CXXC5: variants seen among roughly 807,000 people sequenced by gnomAD.
CXXC5 encodes the protein CXXC finger protein 5.
A neutral mutation model predicts 17.6 loss-of-function variants in CXXC5; 2 were observed. That is an observed-to-expected ratio of 0.11 (90% CI 0.05 to 0.36). The LOEUF (loss-of-function observed/expected upper bound fraction) is 0.36, where lower values mean the gene tolerates loss of function less well. Among genes scored for constraint, CXXC5 ranks in the 10% least tolerant of loss-of-function variants. The pLI, the probability that CXXC5 is intolerant of heterozygous loss-of-function variation, is 1.00. For synonymous variants in CXXC5, 171 were observed against 193.0 expected (o/e 0.89, Z 0.94); for missense variants, 343 against 458.3 (o/e 0.75, Z 2.30).
chr5:139,655,595 G>A lies in CXXC5; in HGVS notation c.-161+6750G>A, dbSNP rs566030877. Among the ~76,000 whole-genome samples the A allele has an allele frequency of 5.9e-5, 9 of 151,686 alleles. No homozygotes were observed. The South Asian group carries it at 6.3e-4, about 11-fold the overall frequency. On this transcript the variant is annotated intron_variant, in intron 1 of 2. Transcript: ENST00000302517. ...TCCTTGTGACACCCTTCATCTCTTC[G>A]GGATTCTCTCCCCTTCGCTGACATC... is the stretch of plus-strand genomic sequence containing the variant.
At position 139,668,510 on chromosome 5, in the gene CXXC5, C is replaced by T. The variant is rs1225684341; in HGVS notation, c.-160-11854C>T. ...CCAGGCCCGCTGCCCGCTCCAGGCCCGAGGTGATGGCGGCTGTTCCTGCCG... is the reference window on the plus strand; with the variant it reads ...CCAGGCCCGCTGCCCGCTCCAGGCCTGAGGTGATGGCGGCTGTTCCTGCCG... On this transcript the variant is annotated intron_variant, in intron 1 of 2. Transcript: ENST00000302517. The surrounding 1 kb of genome is among the most constrained non-coding windows in gnomAD (Gnocchi z 4.1). Among the ~76,000 whole-genome samples, 1 of 152,128 alleles carries T rather than the reference C, an allele frequency of 6.6e-6. No individual in the cohort carries two copies. Among genetic ancestry groups the T allele is most frequent in the African/African-American group, 2.4e-5 (1 of 41,448 alleles).
Position 139,683,185 on chromosome 5 carries a change from CCTGGGCAAAGA to C in CXXC5, c.*279_*289del. The C allele has an allele frequency of 3.2e-6, 1 of 313,816 alleles. No homozygotes were observed. Among genetic ancestry groups the C allele is most frequent in the East Asian group, 5.3e-5 (1 of 19,040 alleles). The allele number at this position is 313,816 out of a possible 1,614,324, so 19.4% of individuals were successfully genotyped here. ...ACGAATCTATAAAGTACCGAGACTTCCTGGGCAAAGAATGGACAATCAGTTTCCTTCCTGTG... is the reference window on the plus strand; with the variant it reads ...ACGAATCTATAAAGTACCGAGACTTCATGGACAATCAGTTTCCTTCCTGTG... On this transcript the variant is annotated 3_prime_UTR_variant, in exon 3 of 3. Coordinates refer to ENST00000302517, the MANE Select transcript of CXXC5 (RefSeq NM_016463.9).
Position 139,665,690 on chromosome 5 carries a change from G to A in CXXC5, c.-160-14674G>A, listed in dbSNP as rs1003141838. ...TAATTGGTGGTTCCGGAGGTGGCGGGCTCCACGCCCGGCCAGTCTTGCTGA... is the reference window on the plus strand; with the variant it reads ...TAATTGGTGGTTCCGGAGGTGGCGGACTCCACGCCCGGCCAGTCTTGCTGA... On this transcript the variant is annotated intron_variant, in intron 1 of 2. Coordinates refer to ENST00000302517, the MANE Select transcript of CXXC5 (RefSeq NM_016463.9). 3.3e-4 allele frequency: 50 copies of A among 152,268 alleles called. 3 individuals carry two copies. The highest frequency in any genetic ancestry group is 8.8e-5 in the Non-Finnish European group (6 of 68,054). 9.4% of individuals were successfully genotyped at this position (152,268 alleles called of 1,614,324 possible).
chr5:139,680,829 T>C lies in CXXC5; in HGVS notation c.306T>C (p.Ala102=), dbSNP rs1196398730. Residue 102 remains alanine, a synonymous_variant, in exon 2 of 3, where the codon GCT becomes GCC. Coordinates refer to ENST00000302517, the MANE Select transcript of CXXC5 (RefSeq NM_016463.9). ...GGGSMMGGES[A]DKATAAAAAA... is the part of the protein sequence containing the mutation. Reference sequence around the variant, plus strand: ...GCAGCATGATGGGCGGAGAGTCTGCTGACAAGGCCACTGCGGCTGCAGCCG... The same window carrying C: ...GCAGCATGATGGGCGGAGAGTCTGCCGACAAGGCCACTGCGGCTGCAGCCG... 6.2e-7 allele frequency: 1 copy of C among 1,612,146 alleles called. No individual in the cohort carries two copies. The highest frequency in any genetic ancestry group is 2.2e-5 in the East Asian group (1 of 44,892).
chr5:139,648,580 C>T lies in CXXC5; in HGVS notation c.-426C>T, dbSNP rs189532441. ...CTCCGCCCGCGAGCCGCGCTCAGCT[C>T]GGGGGTGATTAGTTGCTTTTTGTTG... On this transcript the variant is annotated 5_prime_UTR_variant, in exon 1 of 3. Coordinates refer to ENST00000302517, the MANE Select transcript of CXXC5 (RefSeq NM_016463.9). The T allele has an allele frequency of 1.7e-3, 252 of 151,618 alleles. No homozygotes were observed. The highest frequency in any genetic ancestry group is 2.9e-3 in the Non-Finnish European group (199 of 67,888). The allele number at this position is 151,618 out of a possible 1,614,324, so 9.4% of individuals were successfully genotyped here. A position where few individuals can be genotyped will look rare whatever the true frequency, so the allele number is the denominator to read the frequency against.
rs528300181 is a variant in CXXC5 at position 139,665,068 on chromosome 5, A to G, written c.-160-15296A>G. 3.9e-5 allele frequency among the ~76,000 whole-genome samples: 6 copies of G among 152,288 alleles called. No homozygotes were observed. The East Asian group carries it at 9.7e-4, about 24-fold the overall frequency. Reference sequence around the variant, plus strand: ...GGATTCTGGGAAGGAGATGGTGCCAATCTGCTGGCTCAGCCAGCTTGGCCA... The same window carrying G: ...GGATTCTGGGAAGGAGATGGTGCCAGTCTGCTGGCTCAGCCAGCTTGGCCA... On this transcript the variant is annotated intron_variant, in intron 1 of 2. Coordinates refer to ENST00000302517, the MANE Select transcript of CXXC5 (RefSeq NM_016463.9).
Position 139,681,007 on chromosome 5 carries a change from C to G in CXXC5, c.484C>G (p.Leu162Val). The G allele has an allele frequency of 6.2e-7, 1 of 1,605,750 alleles. No homozygotes were observed. Among genetic ancestry groups the G allele is most frequent in the Non-Finnish European group, 8.5e-7 (1 of 1,179,956 alleles). ...GCTGGCAGCCGAGGGACAGCTGACGCTGCAGCAGTTTGCGCAGTCCACAGA... is the reference window on the plus strand; with the variant it reads ...GCTGGCAGCCGAGGGACAGCTGACGGTGCAGCAGTTTGCGCAGTCCACAGA... ...TELAAEGQLT[L>V]QQFAQSTEML... Residue 162 changes from leucine to valine, a missense_variant, in exon 2 of 3, where the codon CTG becomes GTG. Coordinates refer to ENST00000302517, the MANE Select transcript of CXXC5 (RefSeq NM_016463.9).
intron 1 of CXXC5, among the ~76,000 whole-genome samples, chr5:139,675,053 G>A (rs950390599): frequency 1.3e-5 from 2 of 152,100 alleles, no homozygotes; most frequent in East Asian, 1.9e-4. Context: ...GTCCCCTTCC[G>A]GCTCTTGTTT....
chr5:139,677,896 C>T (rs1277377273), intron 1 of CXXC5, among the ~76,000 whole-genome samples: 1 of 152,248 alleles, frequency 6.6e-6, no homozygotes, highest in African/African-American at 2.4e-5. Flanking sequence ...TTCTAATTGA[C>T]CTGCCCGCCC....
Position 139,681,464 on chromosome 5 carries a change from G to T in CXXC5, c.924+17G>T. ...GCTCTGGAGGTAACGGCGCCTTAGA[G>T]GGAGGTGTGTGGGCTCTTGTGTCTG... is the stretch of plus-strand genomic sequence containing the variant. On this transcript the variant is annotated intron_variant, in intron 2 of 2. Coordinates refer to ENST00000302517, the MANE Select transcript of CXXC5 (RefSeq NM_016463.9). The T allele has an allele frequency of 6.5e-7, 1 of 1,543,712 alleles. No individual in the cohort carries two copies. The highest frequency in any genetic ancestry group is 1.3e-5 in the South Asian group (1 of 79,470).
chr5:139,681,929 C>G (rs2126831995), intron 2 of CXXC5, among the ~76,000 whole-genome samples: 1 of 152,326 alleles, frequency 6.6e-6, no homozygotes, highest in South Asian at 2.1e-4. Flanking sequence ...CAAGGCCACC[C>G]AAGGATAGAG....
intron 2 of CXXC5, 155 bp downstream of exon 2, chr5:139,681,602 C>G (rs1356563834): frequency 2.4e-6 from 2 of 847,586 alleles, no homozygotes; most frequent in Non-Finnish European, 3.6e-6. Flanking sequence ...CTTCAAGACA[C>G]CAGTTTACTG....
At chr5:139,678,121 C>T (rs761975753) in intron 1 of CXXC5, among the ~76,000 whole-genome samples, 10 of 152,230 alleles carry the variant, frequency 6.6e-5, no homozygotes, top group Non-Finnish European at 8.8e-5. Flanking sequence ...ATCTGGGCTG[C>T]CGGGGTTGTC....
intron 1 of CXXC5, among the ~76,000 whole-genome samples, chr5:139,666,853 C>T (rs1380669692): frequency 1.3e-5 from 2 of 152,070 alleles, no homozygotes; most frequent in African/African-American, 4.8e-5. Context: ...GGCCTGAGGA[C>T]CAGTGGGTTT....
intron 1 of CXXC5, among the ~76,000 whole-genome samples, chr5:139,669,021 C>A (rs1338606960): frequency 6.6e-6 from 1 of 152,162 alleles, no homozygotes; most frequent in African/African-American, 2.4e-5. Flanking sequence ...CTAGCAGGGC[C>A]TGCCTTACTG....
In CXXC5 at chr5:139,658,100, C is replaced by T. The variant is rs1214893828; in HGVS notation, c.-161+9255C>T. On this transcript the variant is annotated intron_variant, in intron 1 of 2. Coordinates refer to ENST00000302517, the MANE Select transcript of CXXC5 (RefSeq NM_016463.9). This position sits in a 1 kb window ranked among gnomAD's most constrained non-coding sequence, Gnocchi z 4.1. ...TCCTGTTGACTCTGATGGGAGAGAC[C>T]CAGCCCCTCTCCTGCCTGACCCACC... Among the ~76,000 whole-genome samples, 1 of 152,106 alleles carries T rather than the reference C, an allele frequency of 6.6e-6. No individual in the cohort carries two copies. Among genetic ancestry groups the T allele is most frequent in the Non-Finnish European group, 1.5e-5 (1 of 68,020 alleles).
At chr5:139,665,328 C>T (rs356464) in intron 1 of CXXC5, among the ~76,000 whole-genome samples, 1,787 of 152,364 alleles carry the variant, frequency 0.012, 23 homozygotes, top group African/African-American at 0.04. Context: ...TGCCAAGACC[C>T]GCTGTGGTTT....
chr5:139,658,810 A>T lies in CXXC5; in HGVS notation c.-161+9965A>T, dbSNP rs543441494. ...GAGGAGGCTTTTTTCAAGGTCTAAC[A>T]TCACCCTGACAATACCTTGGGATTC... On this transcript the variant is annotated intron_variant, in intron 1 of 2. Transcript: ENST00000302517. The surrounding 1 kb of genome is among the most constrained non-coding windows in gnomAD (Gnocchi z 4.1). Among the ~76,000 whole-genome samples, 3 of 152,314 alleles carry T rather than the reference A, an allele frequency of 2.0e-5. No individual in the cohort carries two copies. The highest frequency in any genetic ancestry group is 4.1e-4 in the South Asian group (2 of 4,832).
chr5:139,654,101 C>G (rs1195010384), intron 1 of CXXC5, among the ~76,000 whole-genome samples: 1 of 152,168 alleles, frequency 6.6e-6, no homozygotes, highest in Non-Finnish European at 1.5e-5. Flanking sequence ...AGCTTGTACC[C>G]TCACCTGGGG....
Sources: gnomAD v4.1 joint callset for allele counts (sites outside exome capture counted in the v4.1 genomes callset) on GRCh38, gnomAD v4.1.1 for gene constraint, Gnocchi (gnomAD v3.1) non-coding constraint, MANE v1.5 for transcripts, NCBI Gene and HGNC (gene_info 2026-07-23, HGNC 2026-07-21) for gene names.